MYO15B: variants seen among roughly 807,000 people sequenced by gnomAD.
MYO15B encodes myosin XVB pseudogene.
Under a neutral mutation model 119.3 loss-of-function variants are expected in MYO15B, and 207 were observed. That is an observed-to-expected ratio of 1.73 (90% CI 1.55 to 1.95). MYO15B has a LOEUF of 1.95. Among genes scored for constraint, MYO15B ranks in the 30% most tolerant of loss-of-function variants. MYO15B has a pLI of 0.00. For synonymous variants in MYO15B, 966 were observed against 498.9 expected (o/e 1.94, Z -12.48); for missense variants, 2,264 against 1,203.1 (o/e 1.88, Z -13.04).
chr17:75,626,600 C>A (rs976183003), exon 64 of MYO15B: 15 of 652,658 alleles, frequency 2.3e-5, no homozygotes, highest in Admixed American at 4.5e-5. Context: ...TCAGCACAGC[C>A]CAGCCGGCCC....
At position 75,610,246 on chromosome 17, in the gene MYO15B, G is replaced by A. The variant is rs771713966; in HGVS notation, c.4373G>A (p.Arg1458Gln). The A allele has an allele frequency of 1.9e-5, 13 of 700,146 alleles. 1 individual carries two copies. Among genetic ancestry groups the A allele is most frequent in the Middle Eastern group, 2.5e-4 (1 of 4,074 alleles). 43.4% of individuals were successfully genotyped at this position (700,146 alleles called of 1,614,324 possible). The stretch of plus-strand genomic sequence containing the variant: ...GTGGCCCAGCCCCTGCTCCAGAGGC[G>A]GCAGAGACTGCAGGTGCAGGGGCTT... Residue 1458 changes from arginine (R) to glutamine (Q), a missense_variant, in exon 22 of 64, where the codon CGG becomes CAG. By Grantham distance (43) the Arg-to-Gln change is conservative. Coordinates refer to ENST00000645453, the Ensembl canonical transcript of MYO15B.
At chr17:75,615,503 C>T in exon 35 of MYO15B, 4 of 693,626 alleles carry the variant, frequency 5.8e-6, no homozygotes, top group Non-Finnish European at 5.3e-6. Flanking sequence ...GCCCTCACAG[C>T]CATGGTGGTG....
rs979035302 is a variant in MYO15B at position 75,588,166 on chromosome 17, G to A, written c.109G>A (p.Glu37Lys). The A allele has an allele frequency of 1.3e-5, 5 of 398,054 alleles. No individual in the cohort carries two copies. The East Asian group carries it at 1.8e-4, about 14-fold the overall frequency. 24.7% of individuals were successfully genotyped at this position (398,054 alleles called of 1,614,324 possible). A position where few individuals can be genotyped will look rare whatever the true frequency, so the allele number is the denominator to read the frequency against. ...CAGCGCGGATGGCGCGCCCAGCCGG[G>A]AACGCCGTTCCGACCGCGGGCAGGC... Residue 37 changes from glutamate (E) to lysine (K), a missense_variant, in exon 1 of 64, where the codon GAA becomes AAA. By Grantham distance (56) the Glu-to-Lys change is moderately conservative. Transcript: ENST00000645453.
chr17:75,588,757 G>A (rs1483780574), exon 1 of MYO15B: 6 of 398,692 alleles, frequency 1.5e-5, no homozygotes, highest in Non-Finnish European at 2.7e-5. Context: ...GGGAGCCAGC[G>A]AGCATTCCGG....
chr17:75,616,758 C>T (rs2058397697), exon 39 of MYO15B: 1 of 702,908 alleles, frequency 1.4e-6, no homozygotes, highest in South Asian at 1.5e-5. Context: ...CGCCCGGGCC[C>T]CGTGCCTGTG....
intron 55 of MYO15B, 46 bp downstream of exon 55, chr17:75,624,110 A>G (rs1281720373): frequency 2.8e-6 from 2 of 702,596 alleles, no homozygotes; most frequent in Non-Finnish European, 5.2e-6. Context: ...GGTTTCTAGG[A>G]CTGGGAACTT....
At chr17:75,591,232 A>G (rs1376513249) in exon 4 of MYO15B, 2 of 702,934 alleles carry the variant, frequency 2.8e-6, no homozygotes, top group Admixed American at 2.0e-5. Context: ...GGCAGGACCC[A>G]TGCATCCTCC....
chr17:75,613,885 G>A (rs1216509456), intron 29 of MYO15B, 108 bp downstream of exon 29: 8 of 613,866 alleles, frequency 1.3e-5, no homozygotes, highest in African/African-American at 3.7e-5. Flanking sequence ...GTGCCCCGGG[G>A]TGGGCAGGGG....
At chr17:75,620,546 TTCCTTC>T in exon 49 of MYO15B, 1 of 702,764 alleles carries the variant, frequency 1.4e-6, no homozygotes, top group Non-Finnish European at 2.6e-6. Flanking sequence ...CTCCCGACTT[TTCCTTC>T]TCCAAGGAGC....
In MYO15B at chr17:75,624,460, G is replaced by C. The variant is rs1568235303; in HGVS notation, c.8445+13G>C. 1 of 702,924 alleles carries C rather than the reference G, an allele frequency of 1.4e-6. No homozygotes were observed. The highest frequency in any genetic ancestry group is 2.6e-6 in the Non-Finnish European group (1 of 384,990). 43.5% of individuals were successfully genotyped at this position (702,924 alleles called of 1,614,324 possible). On this transcript the variant is annotated intron_variant, in intron 57 of 63. Coordinates refer to ENST00000645453, the Ensembl canonical transcript of MYO15B. Reference sequence around the variant, plus strand: ...CCAGACTTTCACAGTGAGCTTGGGGGCCACCAAGGGAGGAGGCCTTGGGCA... The same window carrying C: ...CCAGACTTTCACAGTGAGCTTGGGGCCCACCAAGGGAGGAGGCCTTGGGCA...
intron 21 of MYO15B, chr17:75,606,934 C>G (rs1278239766): frequency 5.0e-6 from 2 of 398,508 alleles, no homozygotes; most frequent in Non-Finnish European, 8.8e-6. Context: ...CCCTCACAGC[C>G]TGTCTTCACA....
At chr17:75,621,682 C>A in intron 52 of MYO15B, 112 bp downstream of exon 52, 1 of 629,322 alleles carries the variant, frequency 1.6e-6, no homozygotes, top group Non-Finnish European at 2.9e-6. Context: ...CTGCCAACTC[C>A]GGGAAGCTCA....
chr17:75,602,790 C>T (rs573402647), intron 16 of MYO15B, 40 bp from the exon 17 acceptor site: 21 of 607,900 alleles, frequency 3.5e-5, no homozygotes, highest in East Asian at 1.1e-4. Flanking sequence ...TGGATGGGCA[C>T]GCCCCAGCGG....
At chr17:75,598,494 C>T (rs1352985347) in intron 14 of MYO15B, among the ~76,000 whole-genome samples, 1 of 135,038 alleles carries the variant, frequency 7.4e-6, no homozygotes, top group African/African-American at 2.9e-5. Flanking sequence ...AGGAGAATGG[C>T]GTGAGCCTGG....
chr17:75,612,803 G>A (rs955285534), exon 26 of MYO15B: 19 of 702,858 alleles, frequency 2.7e-5, no homozygotes, highest in Admixed American at 1.4e-4. Context: ...TGCAGGAACC[G>A]TCCCTGCCCA....
intron 9 of MYO15B, among the ~76,000 whole-genome samples, chr17:75,593,914 A>G (rs2056656414): frequency 8.7e-6 from 1 of 115,426 alleles, no homozygotes; most frequent in South Asian, 3.2e-4. Context: ...AGCGAGACTC[A>G]GTCTCAGAAG....
rs374296542 is a variant in MYO15B, at chr17:75,614,966, G to C, written c.5565G>C (p.Leu1855=). The change falls in exon 33 of 64, where the codon CTG becomes CTC. Residue 1855 remains leucine, a synonymous_variant. Transcript: ENST00000645453. ...TGTGACCATTGTCCCTTTAGGATCT[G>C]GAACAAAGCTGGGCTCTGAGCAGCC... The C allele has an allele frequency of 4.7e-5, 33 of 702,958 alleles. No homozygotes were observed. In the East Asian group the frequency reaches 8.0e-4, roughly 17 times the overall value. The allele number at this position is 702,958 out of a possible 1,614,324, so 43.5% of individuals were successfully genotyped here. A position where few individuals can be genotyped will look rare whatever the true frequency, so the allele number is the denominator to read the frequency against.
At chr17:75,624,873 T>C (rs1434623177) in exon 59 of MYO15B, 1 of 703,024 alleles carries the variant, frequency 1.4e-6, no homozygotes, top group South Asian at 1.5e-5. Flanking sequence ...GAGACCCCAC[T>C]GCACTTCGAT....
rs1005507711 is a variant in MYO15B at position 75,619,253 on chromosome 17, A to C, written c.7063+35A>C. ...CAGGGACCATGGAGTTGGGAGCTTGAGTGCTGGGGGCCGCGCCTGCCCTGA... is the reference window on the plus strand; with the variant it reads ...CAGGGACCATGGAGTTGGGAGCTTGCGTGCTGGGGGCCGCGCCTGCCCTGA... On this transcript the variant is annotated intron_variant, in intron 44 of 63. Coordinates refer to ENST00000645453, the Ensembl canonical transcript of MYO15B. 7.8e-5 allele frequency: 55 copies of C among 702,566 alleles called. No homozygotes were observed. The East Asian group carries it at 1.4e-3, about 19-fold the overall frequency. The allele number at this position is 702,566 out of a possible 1,614,324, so 43.5% of individuals were successfully genotyped here. A position where few individuals can be genotyped will look rare whatever the true frequency, so the allele number is the denominator to read the frequency against.
Sources: allele counts gnomAD v4.1 joint callset (sites outside exome capture counted in the v4.1 genomes callset), GRCh38; gene constraint gnomAD v4.1.1; transcripts MANE v1.5; gene names NCBI Gene and HGNC (gene_info 2026-07-23, HGNC 2026-07-21).